The following CCSER1 variants were observed in gnomAD, a reference collection of about 807,000 sequenced individuals.
CCSER1 encodes coiled-coil serine rich protein 1, also known as serine-rich coiled-coil domain-containing protein 1.
In CCSER1, 41 loss-of-function variants were observed where a neutral mutation model predicts 82.0. The ratio of observed to expected loss-of-function variants is 0.50; its 90% confidence interval spans 0.39 to 0.65. The LOEUF is 0.65. Among genes scored for constraint, CCSER1 ranks in the 30% least tolerant of loss-of-function variants. The pLI is 0.00. For synonymous variants in CCSER1, 414 were observed against 383.9 expected, an observed-to-expected ratio of 1.08 and a Z score of -0.92; for missense variants, 1,119 against 1,064.2, an observed-to-expected ratio of 1.05 and a Z score of -0.72.
At chr4:90,167,339 A>G (rs1170520476) in intron 1 of CCSER1, among the ~76,000 whole-genome samples, 1 of 152,140 alleles carries the variant, frequency 6.6e-6, no homozygotes, top group African/African-American at 2.4e-5. Flanking sequence ...AATTTAAGAA[A>G]TTTATAAGAA....
At chr4:90,687,359 A>G (rs928526560) in intron 6 of CCSER1, among the ~76,000 whole-genome samples, 18 of 152,142 alleles carry the variant, frequency 1.2e-4, no homozygotes, top group Admixed American at 7.9e-4. Context: ...GAGACCCTTC[A>G]GAAATAGCAT....
At chr4:90,700,753 T>A (rs1436335928) in intron 6 of CCSER1, among the ~76,000 whole-genome samples, 2 of 152,256 alleles carry the variant, frequency 1.3e-5, no homozygotes, top group Admixed American at 1.3e-4. Context: ...TGATGAGCAT[T>A]TGTTCATGTG....
intron 10 of CCSER1, among the ~76,000 whole-genome samples, chr4:91,361,369 A>C (rs777944134): frequency 2.6e-5 from 4 of 151,790 alleles, no homozygotes; most frequent in Non-Finnish European, 5.9e-5. Flanking sequence ...GAAAGCAGAG[A>C]AAAAGAATCA....
chr4:91,520,014 T>C (rs1760369079), intron 10 of CCSER1, among the ~76,000 whole-genome samples: 1 of 152,212 alleles, frequency 6.6e-6, no homozygotes, highest in African/African-American at 2.4e-5. Flanking sequence ...ACATTTAAAG[T>C]ACTTATTGAT....
At chr4:90,355,968 T>C (rs1744304886) in intron 3 of CCSER1, among the ~76,000 whole-genome samples, 1 of 151,906 alleles carries the variant, frequency 6.6e-6, no homozygotes, top group South Asian at 2.1e-4. Context: ...TTGGTGGGCA[T>C]TAGTGAAAAG....
rs1438745688 is a variant in CCSER1, at chr4:90,591,291, A to G, written c.1725-36734A>G. The stretch of plus-strand genomic sequence containing the variant: ...GAATACAATTTCCTTCGTTTGCCTG[A>G]TTGCCTTGGCCAGAACTTCTAATAC... On this transcript the variant is annotated intron_variant, in intron 5 of 10. Coordinates refer to ENST00000509176, the MANE Select transcript of CCSER1 (RefSeq NM_001145065.2). Among the ~76,000 whole-genome samples, 4 of 152,252 alleles carry G rather than the reference A, an allele frequency of 2.6e-5. No individual in the cohort carries two copies. In the East Asian group the frequency reaches 7.7e-4, roughly 29 times the overall value.
At chr4:90,983,570 C>G (rs1736316370) in intron 9 of CCSER1, among the ~76,000 whole-genome samples, 1 of 151,526 alleles carries the variant, frequency 6.6e-6, no homozygotes, top group African/African-American at 2.4e-5. Flanking sequence ...TAATATAGAG[C>G]CTTAAAGAAC....
chr4:91,256,252 G>A (rs1740673064), intron 10 of CCSER1, among the ~76,000 whole-genome samples: 1 of 152,100 alleles, frequency 6.6e-6, no homozygotes, highest in African/African-American at 2.4e-5. Context: ...CTAGGATTAG[G>A]AAATTCCAGC....
intron 10 of CCSER1, among the ~76,000 whole-genome samples, chr4:91,384,327 A>G (rs1751129118): frequency 2.0e-5 from 3 of 152,128 alleles, no homozygotes; most frequent in Admixed American, 2.0e-4. Flanking sequence ...CTGTTAAAGT[A>G]ACTGGGAAAA....
At chr4:91,376,533 C>G (rs1005446174) in intron 10 of CCSER1, among the ~76,000 whole-genome samples, 7 of 151,970 alleles carry the variant, frequency 4.6e-5, no homozygotes, top group African/African-American at 1.5e-4. Flanking sequence ...GTACATAAAC[C>G]AGGAAATTTC....
chr4:90,821,373 G>T (rs185427297), intron 8 of CCSER1, among the ~76,000 whole-genome samples: 1 of 152,262 alleles, frequency 6.6e-6, no homozygotes, highest in Admixed American at 6.5e-5. Context: ...ATGGTGATTG[G>T]AGAGAATATT....
chr4:91,278,182 C>G (rs1742627158), intron 10 of CCSER1, among the ~76,000 whole-genome samples: 1 of 152,058 alleles, frequency 6.6e-6, no homozygotes, highest in South Asian at 2.1e-4. Context: ...TAAATGTCTG[C>G]TAGGTCCATT....
At chr4:91,144,330 T>A (rs1213466863) in intron 10 of CCSER1, among the ~76,000 whole-genome samples, 1 of 150,194 alleles carries the variant, frequency 6.7e-6, no homozygotes, top group African/African-American at 2.4e-5. Context: ...TGTTTCTGAT[T>A]TGCATATTTG....
intron 8 of CCSER1, among the ~76,000 whole-genome samples, chr4:90,843,437 C>A (rs1158221367): frequency 6.6e-6 from 1 of 152,108 alleles, no homozygotes; most frequent in African/African-American, 2.4e-5. Flanking sequence ...ATATTCTTAA[C>A]CTGCATTAAT....
At chr4:90,616,716 CACACACACACACACACACACACAAATA>C (rs1365847553) in intron 5 of CCSER1, among the ~76,000 whole-genome samples, 49 of 125,790 alleles carry the variant, frequency 3.9e-4, no homozygotes, top group South Asian at 7.4e-4. Flanking sequence ...CACACACACA[CACACACACACACACACACACACAAATA>C]AAATAAAATA....
At chr4:91,397,975 C>T (rs1752090835) in intron 10 of CCSER1, among the ~76,000 whole-genome samples, 1 of 151,868 alleles carries the variant, frequency 6.6e-6, no homozygotes, top group African/African-American at 2.4e-5. Flanking sequence ...GTACATTTTG[C>T]AGAGAAATGT....
intron 3 of CCSER1, among the ~76,000 whole-genome samples, chr4:90,387,333 AT>A (rs1402400921): frequency 6.6e-6 from 1 of 152,180 alleles, no homozygotes; most frequent in Non-Finnish European, 1.5e-5. Context: ...GGCTTAAATA[AT>A]TTAAATAAGG....
intron 3 of CCSER1, among the ~76,000 whole-genome samples, chr4:90,354,316 A>G (rs1043521333): frequency 6.6e-6 from 1 of 152,172 alleles, no homozygotes; most frequent in Non-Finnish European, 1.5e-5. Flanking sequence ...GGAGATATTG[A>G]TCAAAGGGTA....
chr4:90,209,427 G>A (rs1212521144), intron 1 of CCSER1, among the ~76,000 whole-genome samples: 1 of 152,176 alleles, frequency 6.6e-6, no homozygotes, highest in Non-Finnish European at 1.5e-5. Context: ...AGGTGAAGGA[G>A]TAGCAGCCTG....
Sources: gnomAD v4.1 joint callset for allele counts (sites outside exome capture counted in the v4.1 genomes callset) on GRCh38, gnomAD v4.1.1 for gene constraint, MANE v1.5 for transcripts, NCBI Gene and HGNC (gene_info 2026-07-23, HGNC 2026-07-21) for gene names.